The following BCAR3 variants were observed in gnomAD, a reference collection of about 807,000 sequenced individuals.
BCAR3 encodes the protein BCAR3 adaptor protein, NSP family member, also known as breast cancer anti-estrogen resistance protein 3.
In BCAR3, 37 loss-of-function variants were observed where a neutral mutation model predicts 80.1. The observed-to-expected ratio is 0.46, with a 90% CI of 0.36 to 0.61. The LOEUF (loss-of-function observed/expected upper bound fraction) is 0.61. Among genes scored for constraint, BCAR3 ranks in the 20% least tolerant of loss-of-function variants. The pLI is 0.00. For synonymous variants in BCAR3, 389 were observed against 418.9 expected, an observed-to-expected ratio of 0.93 and a Z score of 0.87; for missense variants, 978 against 1,068.2, an observed-to-expected ratio of 0.92 and a Z score of 1.18.
intron 3 of BCAR3, among the ~76,000 whole-genome samples, chr1:93,613,633 A>C (rs546918938): frequency 2.0e-5 from 3 of 152,344 alleles, no homozygotes; most frequent in African/African-American, 7.2e-5. Flanking sequence ...GCTTCAGCCC[A>C]AAACAGACAA....
intron 3 of BCAR3, among the ~76,000 whole-genome samples, chr1:93,688,478 TGGATA>T (rs201786993): frequency 0.011 from 1,610 of 152,322 alleles, 28 homozygotes; most frequent in African/African-American, 0.037. Flanking sequence ...AAAACGTCTC[TGGATA>T]GGAATTCCAG....
intron 2 of BCAR3, among the ~76,000 whole-genome samples, chr1:93,715,367 G>A (rs1650161067): frequency 6.6e-6 from 1 of 152,224 alleles, no homozygotes; most frequent in African/African-American, 2.4e-5. Context: ...AAAGATGACA[G>A]AAACAAAGAT....
At chr1:93,601,137 C>T (rs1267767232) in intron 3 of BCAR3, among the ~76,000 whole-genome samples, 3 of 152,184 alleles carry the variant, frequency 2.0e-5, no homozygotes, top group African/African-American at 7.2e-5. Flanking sequence ...GCAGGTAAAG[C>T]ATCTGGCACT....
At chr1:93,708,420 C>T (rs1649899745) in intron 2 of BCAR3, among the ~76,000 whole-genome samples, 1 of 152,164 alleles carries the variant, frequency 6.6e-6, no homozygotes, top group South Asian at 2.1e-4. Flanking sequence ...GCCTGTTTTT[C>T]TCTCTTTCTC....
intron 2 of BCAR3, among the ~76,000 whole-genome samples, chr1:93,770,423 T>C (rs1415152074): frequency 6.6e-6 from 1 of 152,150 alleles, no homozygotes. Context: ...CCTGGGACTC[T>C]GCAAGTAGAA....
intron 3 of BCAR3, among the ~76,000 whole-genome samples, chr1:93,597,422 T>C (rs771541373): frequency 3.3e-5 from 5 of 152,232 alleles, no homozygotes; most frequent in African/African-American, 7.2e-5. Flanking sequence ...AGCATTTTAA[T>C]AGCCCTGATA....
chr1:93,584,043 G>A lies in BCAR3; in HGVS notation c.1008C>T (p.His336=), dbSNP rs1673839564. 6.2e-7 allele frequency: 1 copy of A among 1,614,114 alleles called. No individual in the cohort carries two copies. Among genetic ancestry groups the A allele is most frequent in the Non-Finnish European group, 8.5e-7 (1 of 1,180,006 alleles). The change falls in exon 6 of 12, where the codon CAC becomes CAT. Residue 336 remains histidine (H), a synonymous_variant. Transcript: ENST00000260502. ...QDRRALSLKA[H]QSESYLPIGC... is the part of the protein sequence containing the mutation. ...CAATCGGCAGGTAGCTCTCTGACTG[G>A]TGGGCTTTGAGGGACAAGGCTCTTC...
intron 9 of BCAR3, among the ~76,000 whole-genome samples, chr1:93,569,642 C>T (rs1673125852): frequency 6.6e-6 from 1 of 152,224 alleles, no homozygotes; most frequent in East Asian, 1.9e-4. Flanking sequence ...TGTGACCCTC[C>T]TTTTGGGCTT....
At chr1:93,658,753 T>C (rs1409220676) in intron 2 of BCAR3, among the ~76,000 whole-genome samples, 1 of 152,260 alleles carries the variant, frequency 6.6e-6, no homozygotes, top group African/African-American at 2.4e-5. Flanking sequence ...AAGGCTTACA[T>C]GTCTTGGATG....
rs146108165 is a variant in BCAR3, at chr1:93,730,134, C to T, written c.-62-23992G>A. ...CATCTCTCAGTTCCTCCAGATGTCC[C>T]TCTTGACACTAGTTTGTTTTTAACA... is the stretch of plus-strand genomic sequence containing the variant. On this transcript the variant is annotated intron_variant, in intron 2 of 13. Transcript: ENST00000370244. Among the ~76,000 whole-genome samples the T allele has an allele frequency of 9.4e-3, 1,429 of 152,162 alleles. 17 individuals are homozygous for T. The highest frequency in any genetic ancestry group is 0.015 in the Non-Finnish European group (1,053 of 68,006).
At chr1:93,610,421 A>G (rs1372533505) in intron 3 of BCAR3, among the ~76,000 whole-genome samples, 2 of 152,034 alleles carry the variant, frequency 1.3e-5, no homozygotes, top group Non-Finnish European at 2.9e-5. Context: ...TTCTTTGTCC[A>G]TCCAAATCCC....
At chr1:93,628,425 A>G in intron 3 of BCAR3, among the ~76,000 whole-genome samples, 1 of 152,180 alleles carries the variant, frequency 6.6e-6, no homozygotes, top group East Asian at 1.9e-4. Flanking sequence ...CATTCCAGAA[A>G]AAATTGAAGT....
intron 2 of BCAR3, among the ~76,000 whole-genome samples, chr1:93,722,939 T>C (rs567620911): frequency 1.7e-4 from 26 of 151,864 alleles, no homozygotes; most frequent in Admixed American, 5.9e-4. Context: ...GAGATTCAAA[T>C]AGATGGGGGT....
chr1:93,608,655 G>T (rs1043225381), intron 3 of BCAR3, among the ~76,000 whole-genome samples: 5 of 152,174 alleles, frequency 3.3e-5, no homozygotes, highest in Admixed American at 6.5e-5. Flanking sequence ...TCTTGGCCAG[G>T]ATCCCAGCTC....
intron 7 of BCAR3, among the ~76,000 whole-genome samples, chr1:93,576,925 T>G (rs1293505089): frequency 6.6e-6 from 1 of 151,926 alleles, no homozygotes; most frequent in Non-Finnish European, 1.5e-5. Flanking sequence ...GAGGCCAAGG[T>G]GGGGGGACTG....
intron 2 of BCAR3, among the ~76,000 whole-genome samples, chr1:93,843,892 A>G (rs1557707661): frequency 6.6e-6 from 1 of 152,224 alleles, no homozygotes; most frequent in African/African-American, 2.4e-5. Context: ...CATTGAATTG[A>G]ATAAAACTGG....
Position 93,653,870 on chromosome 1 carries a change from A to G in BCAR3, c.318-11527T>C, listed in dbSNP as rs74901316. Reference sequence around the variant, plus strand: ...ATATAGGGACACAAGGCAACATGGTACATTTGGGGGACTGCAAGCTGTTCA... The same window carrying G: ...ATATAGGGACACAAGGCAACATGGTGCATTTGGGGGACTGCAAGCTGTTCA... On this transcript the variant is annotated intron_variant, in intron 2 of 11. Coordinates refer to ENST00000260502, the MANE Select transcript of BCAR3 (RefSeq NM_003567.4). Among the ~76,000 whole-genome samples the G allele has an allele frequency of 7.4e-3, 1,120 of 152,348 alleles. 9 individuals are homozygous for G. Among genetic ancestry groups the G allele is most frequent in the African/African-American group, 0.026 (1,063 of 41,556 alleles).
chr1:93,833,024 T>C (rs2100836864), intron 2 of BCAR3, among the ~76,000 whole-genome samples: 1 of 152,250 alleles, frequency 6.6e-6, no homozygotes. Context: ...CTAATCACCC[T>C]ACTGGGGGAA....
At chr1:93,824,129 T>C (rs1350351109) in intron 2 of BCAR3, among the ~76,000 whole-genome samples, 2 of 134,112 alleles carry the variant, frequency 1.5e-5, no homozygotes, top group African/African-American at 2.5e-5. Context: ...CTAATGTTTG[T>C]TGAATGAACA....
Sources: allele counts gnomAD v4.1 joint callset (sites outside exome capture counted in the v4.1 genomes callset), GRCh38; gene constraint gnomAD v4.1.1; transcripts MANE v1.5; gene names NCBI Gene and HGNC (gene_info 2026-07-23, HGNC 2026-07-21).